AFF3: variants seen among roughly 807,000 people sequenced by gnomAD.
The protein encoded by AFF3 is AF4/FMR2 family member 3.
In AFF3, 32 loss-of-function variants were observed where a neutral mutation model predicts 129.7. The ratio of observed to expected loss-of-function variants is 0.25; its 90% CI spans 0.19 to 0.33. The LOEUF is 0.33. AFF3 is among the 10% of genes least tolerant of loss of function. The pLI is 1.00. For synonymous variants in AFF3, 644 were observed against 635.4 expected, an observed-to-expected ratio of 1.01 and a Z score of -0.20; for missense variants, 1,373 against 1,592.0, an observed-to-expected ratio of 0.86 and a Z score of 2.34.
chr2:99,634,936 C>T (rs1293760979), intron 13 of AFF3, among the ~76,000 whole-genome samples: 4 of 146,270 alleles, frequency 2.7e-5, no homozygotes, highest in African/African-American at 1.0e-4. Context: ...GCTGTGAGCA[C>T]GACTTGAGGC....
intron 3 of AFF3, 77 bp from the exon 4 acceptor site, chr2:100,104,595 G>T (rs947365115): frequency 6.7e-6 from 3 of 444,694 alleles, no homozygotes; most frequent in Admixed American, 2.3e-4. Flanking sequence ...CCCACCCCCA[G>T]GTCGGGGCTC....
intron 8 of AFF3, among the ~76,000 whole-genome samples, chr2:99,764,954 A>C (rs958991365): frequency 1.3e-5 from 2 of 152,190 alleles, no homozygotes; most frequent in African/African-American, 4.8e-5. Context: ...AGGGGCACTG[A>C]GAGAATTTCC....
At chr2:99,829,217 T>C (rs765645644) in intron 8 of AFF3, among the ~76,000 whole-genome samples, 18 of 152,198 alleles carry the variant, frequency 1.2e-4, no homozygotes, top group Non-Finnish European at 2.1e-4. Context: ...ATTCAGGACA[T>C]AGGCATGGGC....
chr2:99,971,696 T>C (rs1678396501), intron 7 of AFF3, among the ~76,000 whole-genome samples: 1 of 152,206 alleles, frequency 6.6e-6, no homozygotes. Context: ...TCATAAAATA[T>C]AATTTGAAGG....
intron 8 of AFF3, among the ~76,000 whole-genome samples, chr2:99,782,888 T>C (rs1684514730): frequency 6.6e-6 from 1 of 152,264 alleles, no homozygotes. Flanking sequence ...GTAGAGGATC[T>C]GTTTTCTCAA....
chr2:99,738,034 CTCTTT>C (rs1262551917), intron 10 of AFF3, among the ~76,000 whole-genome samples: 3 of 151,864 alleles, frequency 2.0e-5, no homozygotes, highest in Non-Finnish European at 4.4e-5. Context: ...TTCCAATCCT[CTCTTT>C]TATTTCCAGA....
chr2:99,607,564 C>T (rs1250350793), intron 13 of AFF3, among the ~76,000 whole-genome samples: 1 of 151,796 alleles, frequency 6.6e-6, no homozygotes, highest in Non-Finnish European at 1.5e-5. Context: ...ACCAAAATGA[C>T]AAAATCTTGG....
intron 7 of AFF3, among the ~76,000 whole-genome samples, chr2:99,945,517 T>A (rs565694919): frequency 7.9e-5 from 12 of 152,284 alleles, no homozygotes; most frequent in African/African-American, 2.6e-4. Flanking sequence ...TTTCTTCTTT[T>A]CATGAAGACA....
chr2:99,634,548 T>C (rs1485792454), intron 13 of AFF3, among the ~76,000 whole-genome samples: 1 of 152,224 alleles, frequency 6.6e-6, no homozygotes, highest in East Asian at 1.9e-4. Flanking sequence ...ACCCATGGCA[T>C]ACAAAGTTGG....
chr2:99,902,629 G>A (rs1380987741), intron 7 of AFF3, among the ~76,000 whole-genome samples: 4 of 152,146 alleles, frequency 2.6e-5, no homozygotes, highest in Non-Finnish European at 4.4e-5. Context: ...TATGGTAACT[G>A]TATGTTCAAA....
At chr2:99,603,555 C>T in intron 13 of AFF3, among the ~76,000 whole-genome samples, 1 of 152,142 alleles carries the variant, frequency 6.6e-6, no homozygotes, top group East Asian at 1.9e-4. Flanking sequence ...CAATACCATT[C>T]AGGACATATG....
intron 7 of AFF3, among the ~76,000 whole-genome samples, chr2:99,894,066 C>T (rs1693760471): frequency 6.6e-6 from 1 of 151,874 alleles, no homozygotes; most frequent in Non-Finnish European, 1.5e-5. Context: ...TTTGCAATGA[C>T]CTTGAGTAGT....
chr2:99,607,014 T>C (rs1295250048), intron 13 of AFF3, among the ~76,000 whole-genome samples: 1 of 152,140 alleles, frequency 6.6e-6, no homozygotes, highest in Admixed American at 6.5e-5. Flanking sequence ...AAGTTTCATC[T>C]GCTATAATTT....
chr2:99,649,134 G>T (rs1330700590), intron 13 of AFF3, among the ~76,000 whole-genome samples: 1 of 152,050 alleles, frequency 6.6e-6, no homozygotes, highest in Admixed American at 6.6e-5. Flanking sequence ...CACGCGCCAG[G>T]AGAAAGACGC....
intron 13 of AFF3, among the ~76,000 whole-genome samples, chr2:99,612,980 T>C (rs1340054871): frequency 6.6e-6 from 1 of 152,214 alleles, no homozygotes; most frequent in Non-Finnish European, 1.5e-5. Context: ...TTTTGGATGG[T>C]GGAATTATGG....
intron 8 of AFF3, 123 bp from the exon 9 acceptor site, chr2:99,752,424 G>T: frequency 1.5e-6 from 1 of 675,678 alleles, no homozygotes; most frequent in Admixed American, 3.3e-5. Flanking sequence ...ATGTACAAAG[G>T]CTGAAAGAAT....
chr2:99,724,798 A>G (rs1679223686), intron 11 of AFF3, among the ~76,000 whole-genome samples: 1 of 152,184 alleles, frequency 6.6e-6, no homozygotes, highest in South Asian at 2.1e-4. Flanking sequence ...CAAGTTCAGA[A>G]TTCTCCATTC....
At chr2:99,686,939 T>A (rs1158976940) in intron 11 of AFF3, among the ~76,000 whole-genome samples, 1 of 152,208 alleles carries the variant, frequency 6.6e-6, no homozygotes, top group East Asian at 1.9e-4. Flanking sequence ...ATTATTTAAG[T>A]CATATTTCAT....
intron 18 of AFF3, among the ~76,000 whole-genome samples, chr2:99,572,286 T>TCCC (rs1383965658): frequency 4.2e-4 from 19 of 45,728 alleles, no homozygotes; most frequent in African/African-American, 8.3e-4. Flanking sequence ...CTCTTCCCCC[T>TCCC]CCCACCACCC....
Sources: allele counts gnomAD v4.1 joint callset (sites outside exome capture counted in the v4.1 genomes callset), GRCh38; gene constraint gnomAD v4.1.1; transcripts MANE v1.5; gene names NCBI Gene and HGNC (gene_info 2026-07-23, HGNC 2026-07-21).